SDHA: variants seen among roughly 807,000 people sequenced by gnomAD.
SDHA encodes succinate dehydrogenase complex flavoprotein subunit A.
Under a neutral mutation model 78.4 loss-of-function variants are expected in SDHA, and 48 were observed. That is an observed-to-expected ratio of 0.61 (90% CI 0.49 to 0.78). The LOEUF is 0.78. Among genes scored for constraint, SDHA ranks in the 30% least tolerant of loss-of-function variants. The probability of loss-of-function intolerance (pLI) is 0.00; values close to 1 mark genes in which losing one functional copy is unlikely to be tolerated. For synonymous variants in SDHA, 326 were observed against 353.9 expected (o/e 0.92, Z 0.88); for missense variants, 680 against 892.7 (o/e 0.76, Z 3.04).
chr5:218,345 C>A lies in SDHA; in HGVS notation c.-11C>A, dbSNP rs1396057630. The A allele has an allele frequency of 1.4e-6, 2 of 1,448,866 alleles. No individual in the cohort carries two copies. The highest frequency in any genetic ancestry group is 1.8e-6 in the Non-Finnish European group (2 of 1,109,656). 89.8% of individuals were successfully genotyped at this position (1,448,866 alleles called of 1,614,324 possible). A position where few individuals can be genotyped will look rare whatever the true frequency, so the allele number is the denominator to read the frequency against. On this transcript the variant is annotated 5_prime_UTR_variant, in exon 1 of 15. Coordinates refer to ENST00000264932, the MANE Select transcript of SDHA (RefSeq NM_004168.4). ...AGGGACTGGCGGGACTGCGCGGCGG[C>A]AACAGCAGACATGTCGGGGGTCCGG...
intron 7 of SDHA, among the ~76,000 whole-genome samples, chr5:231,639 C>T (rs1735410097): frequency 6.6e-6 from 1 of 151,828 alleles, no homozygotes. Flanking sequence ...CTCGGGCAGG[C>T]AGGTCTTCTC....
Position 233,601 on chromosome 5 carries a change from A to AGAT in SDHA, c.1022_1024dup (p.Asp341dup). On this transcript the variant is annotated inframe_insertion, in exon 8 of 15. Transcript: ENST00000264932. ...CTGTCGCGAAGGACCTGGCGTCTAG[A>AGAT]GATGTGGTGTCTCGGTCCATGACTC... 1.9e-6 allele frequency: 3 copies of AGAT among 1,614,110 alleles called. No homozygotes were observed. The highest frequency in any genetic ancestry group is 2.5e-6 in the Non-Finnish European group (3 of 1,180,020).
At chr5:242,750 G>A (rs1040457039) in intron 11 of SDHA, among the ~76,000 whole-genome samples, 3 of 152,302 alleles carry the variant, frequency 2.0e-5, no homozygotes, top group South Asian at 2.1e-4. Flanking sequence ...GTACTCTTAC[G>A]CAGTCCCTGT....
chr5:249,621 C>T (rs1029315376), intron 11 of SDHA: 5 of 152,386 alleles, frequency 3.3e-5, no homozygotes, highest in Admixed American at 1.3e-4. Context: ...TTTAGTAAAT[C>T]TTATCACTGG....
At chr5:254,297 G>C in intron 13 of SDHA, 96 bp from the exon 14 acceptor site, 1 of 1,165,156 alleles carries the variant, frequency 8.6e-7, no homozygotes, top group Non-Finnish European at 1.2e-6. Flanking sequence ...ATGAGTTCTA[G>C]GGCATCTGTC....
intron 11 of SDHA, among the ~76,000 whole-genome samples, chr5:245,807 C>G (rs1736411893): frequency 6.6e-6 from 1 of 152,240 alleles, no homozygotes; most frequent in Non-Finnish European, 1.5e-5. Flanking sequence ...ACACCCTGCT[C>G]TAGGCATTCC....
intron 11 of SDHA, among the ~76,000 whole-genome samples, chr5:242,627 T>G (rs901667114): frequency 1.3e-5 from 2 of 152,022 alleles, no homozygotes; most frequent in Admixed American, 6.5e-5. Context: ...TGGGTTAGGG[T>G]CTCCATGACC....
chr5:219,389 T>G (rs900565990), intron 1 of SDHA, among the ~76,000 whole-genome samples: 35 of 152,244 alleles, frequency 2.3e-4, no homozygotes, highest in African/African-American at 5.8e-4. Flanking sequence ...TTAAATGAAC[T>G]TACCCACCCA....
chr5:227,378 C>T (rs1226236246), intron 5 of SDHA, among the ~76,000 whole-genome samples: 3 of 152,246 alleles, frequency 2.0e-5, no homozygotes, highest in East Asian at 1.9e-4. Flanking sequence ...ACTGGGTAAT[C>T]AGAGTCAACT....
intron 5 of SDHA, among the ~76,000 whole-genome samples, chr5:226,928 C>CAAAA (rs554077502): frequency 1.2e-5 from 1 of 82,500 alleles, no homozygotes. Flanking sequence ...GACTCCATCT[C>CAAAA]AAAAAAAAAA....
intron 13 of SDHA, chr5:251,672 C>T: frequency 2.0e-6 from 3 of 1,509,286 alleles, no homozygotes; most frequent in South Asian, 1.2e-5. Flanking sequence ...TTTGGGTCGG[C>T]ATCCACTGAT....
Position 220,421 on chromosome 5 carries a change from C to T in SDHA, c.63+2003C>T, listed in dbSNP as rs72711322. ...ATTTCTTTTCTTTGAATGGATTGTT[C>T]TGAATATGTTTAATGGTGTTCTAGA... On this transcript the variant is annotated intron_variant, in intron 1 of 14. Transcript: ENST00000264932. 8.0e-3 allele frequency: 2,575 copies of T among 321,426 alleles called. 18 individuals carry two copies. Among genetic ancestry groups the T allele is most frequent in the Non-Finnish European group, 0.013 (2,018 of 153,506 alleles). The allele number at this position is 321,426 out of a possible 1,614,324, so 19.9% of individuals were successfully genotyped here. A position where few individuals can be genotyped will look rare whatever the true frequency, so the allele number is the denominator to read the frequency against.
intron 11 of SDHA, among the ~76,000 whole-genome samples, chr5:242,456 G>A (rs965889675): frequency 3.3e-5 from 5 of 152,198 alleles, no homozygotes; most frequent in Admixed American, 6.5e-5. Flanking sequence ...TTTGTTTCCC[G>A]TAAGGAATAC....
chr5:252,880 T>G (rs62344339), intron 13 of SDHA: 13,936 of 114,384 alleles, frequency 0.12, 2,796 homozygotes, highest in African/African-American at 0.39. Context: ...GCCCTGTGGA[T>G]GAAATGCCAG....
At chr5:263,730 G>A in the SDHA span, among the ~76,000 whole-genome samples, 1 of 152,258 alleles carries the variant, frequency 6.6e-6, no homozygotes, top group African/African-American at 2.4e-5. Flanking sequence ...TTATGAAGCT[G>A]TGGGATACAA....
intron 7 of SDHA, among the ~76,000 whole-genome samples, chr5:232,909 A>G (rs1219890584): frequency 4.6e-5 from 7 of 152,152 alleles, no homozygotes; most frequent in African/African-American, 1.4e-4. Flanking sequence ...CAGCTGCATG[A>G]CTGGATGTTA....
downstream of SDHA, among the ~76,000 whole-genome samples, chr5:257,417 A>C (rs1440634650): frequency 5.2e-5 from 6 of 115,040 alleles, no homozygotes; most frequent in Admixed American, 1.9e-4. Flanking sequence ...TACTCTGTGA[A>C]CACCACCTGT....
chr5:225,241 G>A (rs543291098), intron 3 of SDHA, among the ~76,000 whole-genome samples, 178 bp from the exon 4 acceptor site: 6 of 152,276 alleles, frequency 3.9e-5, no homozygotes, highest in African/African-American at 1.2e-4. Flanking sequence ...GAGTCGGGGA[G>A]GGGTTGTGAT....
chr5:243,834 G>T (rs1338987066), intron 11 of SDHA, among the ~76,000 whole-genome samples: 1 of 152,148 alleles, frequency 6.6e-6, no homozygotes, highest in Non-Finnish European at 1.5e-5. Flanking sequence ...TGCATAAAGC[G>T]ACTTTGTTGG....
Sources: allele counts gnomAD v4.1 joint callset (sites outside exome capture counted in the v4.1 genomes callset), GRCh38; gene constraint gnomAD v4.1.1; transcripts MANE v1.5; gene names NCBI Gene and HGNC (gene_info 2026-07-23, HGNC 2026-07-21).